Variants in MCF2 observed in about 807,000 individuals in gnomAD.
MCF2 encodes the protein MCF.2 cell line derived transforming sequence, also known as proto-oncogene DBL.
MCF2 carries 44 observed loss-of-function variants against 82.5 expected under a neutral mutation model. The observed-to-expected ratio is 0.53, with a 90% CI of 0.42 to 0.69. The LOEUF is 0.69. MCF2 is among the 30% of genes least tolerant of loss of function. MCF2 has a pLI of 0.00. For synonymous variants in MCF2, 217 were observed against 224.9 expected (o/e 0.96, Z 0.32); for missense variants, 623 against 663.1 (o/e 0.94, Z 0.66).
intron 1 of MCF2, among the ~76,000 whole-genome samples, chrX:139,661,825 C>A (rs1402597813): frequency 2.7e-5 from 3 of 111,018 alleles, no homozygotes; most frequent in African/African-American, 9.8e-5. Context: ...TTTTTATAAC[C>A]GACATATATA....
chrX:139,687,745 T>C (rs1217386037), intron 1 of MCF2, among the ~76,000 whole-genome samples: 2 of 112,366 alleles, frequency 1.8e-5, no homozygotes, highest in South Asian at 3.7e-4. Flanking sequence ...TATGCCTCGA[T>C]TAGCAGGAGA....
In MCF2 at chrX:139,589,057, A is replaced by C. The variant is rs140275235; in HGVS notation, c.2371-619T>G. Among the ~76,000 whole-genome samples, 12 of 111,722 alleles carry C rather than the reference A, an allele frequency of 1.1e-4. No homozygotes were observed. The East Asian group carries it at 3.4e-3, about 31-fold the overall frequency. Reference sequence around the variant, plus strand: ...ATTCTTTTTAAAATATAACATTTTGATGTTTAATTTTAGTAAAATAAAACA... The same window carrying C: ...ATTCTTTTTAAAATATAACATTTTGCTGTTTAATTTTAGTAAAATAAAACA... On this transcript the variant is annotated intron_variant, in intron 20 of 24. Coordinates refer to ENST00000370576, the Ensembl canonical transcript of MCF2.
At position 139,628,295 on chromosome X, in the gene MCF2, A is replaced by T. The variant is rs1201626582; in HGVS notation, c.438+1400T>A. ...ACACCATGGAATACTATACAGTCATAAAAAAGAACGAGATCATGTCCTCTG... is the reference window on the plus strand; with the variant it reads ...ACACCATGGAATACTATACAGTCATTAAAAAGAACGAGATCATGTCCTCTG... On this transcript the variant is annotated intron_variant, in intron 4 of 24. Transcript: ENST00000370576. Among the ~76,000 whole-genome samples, 4 of 112,149 alleles carry T rather than the reference A, an allele frequency of 3.6e-5. No homozygotes were observed. In the East Asian group the frequency reaches 8.4e-4, roughly 24 times the overall value.
chrX:139,616,605 A>AG lies in MCF2; in HGVS notation c.1000-133_1000-132insC, dbSNP rs1931931966. 2.3e-5 allele frequency: 8 copies of AG among 344,697 alleles called. No individual in the cohort carries two copies. In the East Asian group the frequency reaches 3.5e-4, roughly 15 times the overall value. 28.4% of individuals were successfully genotyped at this position (344,697 alleles called of 1,213,427 possible). A position where few individuals can be genotyped will look rare whatever the true frequency, so the allele number is the denominator to read the frequency against. ...AATGCTTTCAGAGCTGTTAAAAAAA[A>AG]AAAAGATATCTGGGTTCTGCCCCCA... On this transcript the variant is annotated intron_variant, in intron 8 of 24. Coordinates refer to ENST00000370576, the Ensembl canonical transcript of MCF2.
At chrX:139,592,816 G>A (rs747221327) in intron 19 of MCF2, among the ~76,000 whole-genome samples, 1 of 111,521 alleles carries the variant, frequency 9.0e-6, no homozygotes, top group South Asian at 3.8e-4. Context: ...TTTTTGACCC[G>A]ACCCTGGGCA....
At chrX:139,685,801 A>T (rs1474328924) in intron 1 of MCF2, among the ~76,000 whole-genome samples, 1 of 111,454 alleles carries the variant, frequency 9.0e-6, no homozygotes. Flanking sequence ...CCTGACAGAG[A>T]CACAATTCTA....
intron 1 of MCF2, among the ~76,000 whole-genome samples, chrX:139,639,287 A>C (rs754275464): frequency 8.9e-6 from 1 of 111,934 alleles, no homozygotes; most frequent in Non-Finnish European, 1.9e-5. Flanking sequence ...GTTTTATTTC[A>C]ATGTGTTTTT....
At chrX:139,659,709 A>G (rs1934305335) in intron 1 of MCF2, among the ~76,000 whole-genome samples, 1 of 112,008 alleles carries the variant, frequency 8.9e-6, no homozygotes, top group Non-Finnish European at 1.9e-5. Context: ...CTACTCTCAC[A>G]TGGTTTCCTA....
chrX:139,627,434 A>G (rs897052200), intron 4 of MCF2, among the ~76,000 whole-genome samples: 4 of 112,167 alleles, frequency 3.6e-5, no homozygotes, highest in Non-Finnish European at 7.5e-5. Flanking sequence ...TAATTAACTC[A>G]TCAAGAAGTA....
chrX:139,628,627 A>T (rs1457438077), intron 4 of MCF2, among the ~76,000 whole-genome samples: 1 of 111,879 alleles, frequency 8.9e-6, no homozygotes, highest in Non-Finnish European at 1.9e-5. Context: ...CTAAAATAAA[A>T]GTTGGAAAAA....
At chrX:139,682,722 C>A (rs933577839) in intron 1 of MCF2, among the ~76,000 whole-genome samples, 5 of 111,781 alleles carry the variant, frequency 4.5e-5, no homozygotes, top group African/African-American at 1.6e-4. Flanking sequence ...CCTCTCATTT[C>A]TTCTGTTATC....
At chrX:139,671,413 C>T (rs1202077359) in intron 1 of MCF2, among the ~76,000 whole-genome samples, 1 of 111,355 alleles carries the variant, frequency 9.0e-6, no homozygotes, top group Non-Finnish European at 1.9e-5. Flanking sequence ...AATGGTATTG[C>T]CTAGGTTTTC....
At chrX:139,691,870 G>A in intron 1 of MCF2, 5 of 1,104,104 alleles carry the variant, frequency 4.5e-6, no homozygotes, top group Non-Finnish European at 4.9e-6. Context: ...AGAAGGGCAA[G>A]CCAGCCCGAG....
chrX:139,692,068 C>T (rs1300622231), intron 1 of MCF2: 8 of 1,164,078 alleles, frequency 6.9e-6, no homozygotes, highest in Middle Eastern at 2.4e-4. Flanking sequence ...TGGGGCAGGC[C>T]TGGGATCCTG....
At chrX:139,663,045 G>A (rs932899429) in intron 1 of MCF2, among the ~76,000 whole-genome samples, 1 of 112,065 alleles carries the variant, frequency 8.9e-6, no homozygotes, top group African/African-American at 3.2e-5. Context: ...TTCATCCGTT[G>A]ATGGACACTT....
intron 1 of MCF2, among the ~76,000 whole-genome samples, chrX:139,684,895 C>T (rs761125821): frequency 1.8e-5 from 2 of 111,615 alleles, no homozygotes; most frequent in Non-Finnish European, 3.8e-5. Flanking sequence ...TATTTTAAAC[C>T]TAGATTGTGG....
chrX:139,681,109 C>G (rs973874693), intron 1 of MCF2, among the ~76,000 whole-genome samples: 1 of 112,198 alleles, frequency 8.9e-6, no homozygotes, highest in Non-Finnish European at 1.9e-5. Flanking sequence ...AATACATATA[C>G]CTAATCACAC....
At chrX:139,625,316 C>T (rs1932699071) in intron 6 of MCF2, among the ~76,000 whole-genome samples, 1 of 111,256 alleles carries the variant, frequency 9.0e-6, no homozygotes, top group African/African-American at 3.3e-5. Context: ...CAGTTGGAGA[C>T]GAGGGAGAAA....
At chrX:139,642,204 G>A (rs769267876) in intron 1 of MCF2, among the ~76,000 whole-genome samples, 10 of 111,659 alleles carry the variant, frequency 9.0e-5, no homozygotes, top group Non-Finnish European at 1.7e-4. Context: ...AGTCTTAAAC[G>A]AATAACATGA....
Sources: gnomAD v4.1 joint callset for allele counts (sites outside exome capture counted in the v4.1 genomes callset) on GRCh38, gnomAD v4.1.1 for gene constraint, MANE v1.5 for transcripts, NCBI Gene and HGNC (gene_info 2026-07-23, HGNC 2026-07-21) for gene names.